CADPS: variants seen among roughly 807,000 people sequenced by gnomAD.
CADPS encodes calcium-dependent secretion activator 1.
CADPS carries 57 observed loss-of-function variants against 167.3 expected under a neutral mutation model. The ratio of observed to expected loss-of-function variants is 0.34; its 90% CI spans 0.28 to 0.42. The LOEUF (loss-of-function observed/expected upper bound fraction) is 0.42, where lower values mean the gene tolerates loss of function less well. Ranked by LOEUF, CADPS falls within the 20% of genes least tolerant of loss-of-function variation. The probability of loss-of-function intolerance (pLI) is 1.00; values close to 1 mark genes in which losing one functional copy is unlikely to be tolerated. For missense variants in CADPS, 1,414 were observed against 1,738.1 expected (o/e 0.81, Z 3.32); for synonymous variants, 676 against 635.3 (o/e 1.06, Z -0.96).
At chr3:62,699,586 T>A (rs1013947563) in intron 3 of CADPS, among the ~76,000 whole-genome samples, 10 of 128,874 alleles carry the variant, frequency 7.8e-5, no homozygotes, top group Non-Finnish European at 1.3e-4. Context: ...TGTTTTGTTC[T>A]GAGACAGAGA....
At chr3:62,703,894 G>A (rs957496620) in intron 3 of CADPS, among the ~76,000 whole-genome samples, 1 of 152,150 alleles carries the variant, frequency 6.6e-6, no homozygotes, top group African/African-American at 2.4e-5. Flanking sequence ...AGCAAAGCAT[G>A]TTCCTCTGAA....
Position 62,874,862 on chromosome 3 carries a change from T to TCCGGCG in CADPS, c.162_167dup (p.Ala57_Gly58dup), listed in dbSNP as rs1429458535. On this transcript the variant is annotated inframe_insertion, in exon 1 of 30. Transcript: ENST00000383710. The surrounding 1 kb of genome is among the most constrained non-coding windows in gnomAD (Gnocchi z 7.1). ...CGCCGCCGCCTGCACCCACCCCGGCTCCGGCGCCGGCGCCGCCGCCCCCCA... is the reference window on the plus strand; with the variant it reads ...CGCCGCCGCCTGCACCCACCCCGGCTCCGGCGCCGGCGCCGGCGCCGCCGCCCCCCA... 35 of 1,099,142 alleles carry TCCGGCG rather than the reference T, an allele frequency of 3.2e-5. No individual in the cohort carries two copies. In the South Asian group the frequency reaches 4.1e-4, roughly 13 times the overall value. 68.1% of individuals were successfully genotyped at this position (1,099,142 alleles called of 1,614,324 possible). A position where few individuals can be genotyped will look rare whatever the true frequency, so the allele number is the denominator to read the frequency against.
chr3:62,778,261 T>A (rs1162763077), intron 1 of CADPS, among the ~76,000 whole-genome samples: 1 of 152,226 alleles, frequency 6.6e-6, no homozygotes, highest in Non-Finnish European at 1.5e-5. Context: ...AGATAGCTCC[T>A]TTTTCCCCTT....
intron 27 of CADPS, among the ~76,000 whole-genome samples, chr3:62,443,480 C>T (rs1051280666): frequency 1.3e-5 from 2 of 152,016 alleles, no homozygotes; most frequent in African/African-American, 2.4e-5. Flanking sequence ...TTGGCTGTGT[C>T]CCCACCCAAA....
At chr3:62,729,921 T>C (rs1277154891) in intron 3 of CADPS, among the ~76,000 whole-genome samples, 1 of 151,678 alleles carries the variant, frequency 6.6e-6, no homozygotes, top group Non-Finnish European at 1.5e-5. Context: ...TGAGTCTAGT[T>C]CTGGCCAGTG....
At chr3:62,501,659 A>G (rs1419219382) in intron 17 of CADPS, among the ~76,000 whole-genome samples, 1 of 152,214 alleles carries the variant, frequency 6.6e-6, no homozygotes, top group African/African-American at 2.4e-5. Flanking sequence ...TTTGGGTGAA[A>G]CACTCCCCAA....
At chr3:62,716,789 A>C (rs2084740135) in intron 3 of CADPS, among the ~76,000 whole-genome samples, 1 of 152,146 alleles carries the variant, frequency 6.6e-6, no homozygotes, top group African/African-American at 2.4e-5. Flanking sequence ...TTTTTGGTTG[A>C]ATTAGTAGAT....
At chr3:62,453,719 A>G (rs1170705913) in intron 26 of CADPS, among the ~76,000 whole-genome samples, 1 of 152,170 alleles carries the variant, frequency 6.6e-6, no homozygotes, top group African/African-American at 2.4e-5. Context: ...AGCCCCTTCC[A>G]ATACTTTCTG....
At position 62,421,254 on chromosome 3, in the gene CADPS, C is replaced by A. The variant is rs772784616; in HGVS notation, c.3777+16850G>T. The stretch of plus-strand genomic sequence containing the variant: ...CCCCCTTCCTCCCCACACCCCCCAC[C>A]CTTTTGAGGTGACAGAATAAGAAAT... On this transcript the variant is annotated intron_variant, in intron 28 of 29. Transcript: ENST00000383710. This position sits in a 1 kb window ranked among gnomAD's most constrained non-coding sequence, Gnocchi z 4.7. Among the ~76,000 whole-genome samples the A allele has an allele frequency of 2.6e-5, 4 of 151,946 alleles. No homozygotes were observed. The highest frequency in any genetic ancestry group is 4.4e-5 in the Non-Finnish European group (3 of 68,004).
In CADPS at chr3:62,753,581, C is replaced by T; in HGVS notation, c.748G>A (p.Asp250Asn). Residue 250 changes from aspartate (D) to asparagine (N), a missense_variant, in exon 3 of 30, where the codon GAC becomes AAC. Around this residue, in one of 6 missense-constraint regions of CADPS, gnomAD observed 522 missense variants for 559.5 expected, o/e 0.93. Transcript: ENST00000383710. This position sits in a 1 kb window ranked among gnomAD's most constrained non-coding sequence, Gnocchi z 4.6. ...KFDAIYRGEE[D>N]PRKQQARMTA... ...ATCCGGGCCTGCTGCTTCCGCGGGT[C>T]CTCTTCTCCACGGTAGATGGCATCA... 1 of 1,614,144 alleles carries T rather than the reference C, an allele frequency of 6.2e-7. No homozygotes were observed. Among genetic ancestry groups the T allele is most frequent in the Non-Finnish European group, 8.5e-7 (1 of 1,180,032 alleles).
At chr3:62,512,424 A>T (rs988605157) in intron 17 of CADPS, among the ~76,000 whole-genome samples, 4 of 152,156 alleles carry the variant, frequency 2.6e-5, no homozygotes, top group Admixed American at 2.0e-4. Context: ...AAAGAGGAAG[A>T]TTCATTTGGT....
At chr3:62,509,782 T>C (rs1281285535) in intron 17 of CADPS, among the ~76,000 whole-genome samples, 3 of 152,152 alleles carry the variant, frequency 2.0e-5, no homozygotes, top group African/African-American at 7.2e-5. Context: ...TAAAAAGTGG[T>C]AGGTATTATA....
intron 22 of CADPS, among the ~76,000 whole-genome samples, chr3:62,479,193 GA>G (rs778466968): frequency 6.6e-6 from 1 of 152,198 alleles, no homozygotes; most frequent in Non-Finnish European, 1.5e-5. Context: ...TGCAGTTGGG[GA>G]AATTGGTTTT....
intron 3 of CADPS, among the ~76,000 whole-genome samples, chr3:62,692,758 T>G (rs1455515950): frequency 6.6e-6 from 1 of 152,006 alleles, no homozygotes; most frequent in African/African-American, 2.4e-5. Flanking sequence ...CCAAATTAGG[T>G]TTTTAAAGCA....
At chr3:62,841,544 T>C (rs2076648298) in intron 1 of CADPS, among the ~76,000 whole-genome samples, 2 of 152,156 alleles carry the variant, frequency 1.3e-5, no homozygotes, top group Non-Finnish European at 1.5e-5. Flanking sequence ...GGCAAAACCT[T>C]GTCTCTACAA....
chr3:62,635,107 C>G (rs754336620), intron 6 of CADPS, among the ~76,000 whole-genome samples: 7 of 152,134 alleles, frequency 4.6e-5, no homozygotes, highest in Non-Finnish European at 8.8e-5. Flanking sequence ...AGATTCATTT[C>G]ATTTGAGGTC....
rs1051123386 is a variant in CADPS, at chr3:62,465,952, G to A, written c.3552+387C>T. Among the ~76,000 whole-genome samples, 5 of 152,154 alleles carry A rather than the reference G, an allele frequency of 3.3e-5. No individual in the cohort carries two copies. Among genetic ancestry groups the A allele is most frequent in the African/African-American group, 2.4e-5 (1 of 41,436 alleles). Reference sequence around the variant, plus strand: ...TGAAATAGCTTTATCTGACTTTTATGTTTTATTATGACTCTCACTGCATGT... The same window carrying A: ...TGAAATAGCTTTATCTGACTTTTATATTTTATTATGACTCTCACTGCATGT... On this transcript the variant is annotated intron_variant, in intron 25 of 29. Coordinates refer to ENST00000383710, the MANE Select transcript of CADPS (RefSeq NM_003716.4). The surrounding 1 kb of genome is among the most constrained non-coding windows in gnomAD (Gnocchi z 4.1).
At chr3:62,729,524 T>C (rs953373649) in intron 3 of CADPS, among the ~76,000 whole-genome samples, 10 of 152,044 alleles carry the variant, frequency 6.6e-5, no homozygotes, top group Admixed American at 6.5e-4. Flanking sequence ...AGACCTTGGA[T>C]GAAATCTCAG....
chr3:62,779,670 C>T (rs1288914181), intron 1 of CADPS: 8 of 517,766 alleles, frequency 1.5e-5, no homozygotes, highest in Admixed American at 8.2e-5. Context: ...AGTGCAAGGT[C>T]CACCGACCAA....
Sources: gnomAD v4.1 joint callset for allele counts (sites outside exome capture counted in the v4.1 genomes callset) on GRCh38, gnomAD v4.1.1 for gene constraint, gnomAD v4.1.1 regional missense constraint, Gnocchi (gnomAD v3.1) non-coding constraint, MANE v1.5 for transcripts, NCBI Gene and HGNC (gene_info 2026-07-23, HGNC 2026-07-21) for gene names.